Variants in SMURF2 observed in about 807,000 individuals in gnomAD.
SMURF2 encodes the protein SMAD specific E3 ubiquitin protein ligase 2.
Under a neutral mutation model 109.6 loss-of-function variants are expected in SMURF2, and 48 were observed. That is an observed-to-expected ratio of 0.44 (90% CI 0.35 to 0.56). The LOEUF is 0.56. SMURF2 is among the 20% of genes least tolerant of loss of function. The probability of loss-of-function intolerance (pLI) is 0.01; values close to 1 mark genes in which losing one functional copy is unlikely to be tolerated. For missense variants in SMURF2, 575 were observed against 909.0 expected (o/e 0.63, Z 4.72); for synonymous variants, 288 against 317.1 (o/e 0.91, Z 0.97).
chr17:64,553,649 A>C (rs1555683814), intron 15 of SMURF2, among the ~76,000 whole-genome samples: 1 of 152,222 alleles, frequency 6.6e-6, no homozygotes, highest in African/African-American at 2.4e-5. Context: ...TGTATAATAT[A>C]ATCATTCTTC....
chr17:64,599,099 T>C (rs1240168038), intron 2 of SMURF2, among the ~76,000 whole-genome samples: 2 of 152,218 alleles, frequency 1.3e-5, no homozygotes, highest in African/African-American at 4.8e-5. Context: ...TGATACTGAT[T>C]GTAACGCAAA....
intron 1 of SMURF2, among the ~76,000 whole-genome samples, chr17:64,657,199 G>A (rs1970716485): frequency 6.6e-6 from 1 of 152,192 alleles, no homozygotes; most frequent in African/African-American, 2.4e-5. Context: ...TAGAGTCATA[G>A]AGGACAGTTC....
At chr17:64,640,599 G>A (rs2144721139) in intron 1 of SMURF2, among the ~76,000 whole-genome samples, 1 of 152,186 alleles carries the variant, frequency 6.6e-6, no homozygotes, top group African/African-American at 2.4e-5. Flanking sequence ...AAGCTATACT[G>A]TGGAGAATGG....
chr17:64,554,897 T>TTTGCCATTTGG lies in SMURF2; in HGVS notation c.1696_1706dup (p.Lys569AsnfsTer22). 1.9e-6 allele frequency: 3 copies of TTTGCCATTTGG among 1,613,814 alleles called. No homozygotes were observed. The highest frequency in any genetic ancestry group is 2.5e-6 in the Non-Finnish European group (3 of 1,179,780). On this transcript the variant is annotated frameshift_variant, in exon 15 of 19. Transcript: ENST00000262435. LOFTEE classifies it high-confidence loss of function. ...TATTTTCTTCATTAACAGGGATACTTTTGCCATTTGGTTTAAGTTCATGCT... is the reference window on the plus strand; with the variant it reads ...TATTTTCTTCATTAACAGGGATACTTTTGCCATTTGGTTGCCATTTGGTTTAAGTTCATGCT...
At chr17:64,550,922 A>C (rs1292595847) in intron 16 of SMURF2, among the ~76,000 whole-genome samples, 3 of 152,230 alleles carry the variant, frequency 2.0e-5, no homozygotes, top group Non-Finnish European at 4.4e-5. Context: ...TGGTAGATTA[A>C]TGAGGTTTTA....
At chr17:64,569,590 G>A (rs1360912127) in intron 10 of SMURF2, among the ~76,000 whole-genome samples, 1 of 152,084 alleles carries the variant, frequency 6.6e-6, no homozygotes, top group African/African-American at 2.4e-5. Context: ...CCTATAAAAA[G>A]GTGCTCAACC....
At position 64,659,221 on chromosome 17, in the gene SMURF2, G is replaced by A. The variant is rs570116373; in HGVS notation, c.52+2608C>T. On this transcript the variant is annotated intron_variant, in intron 1 of 18. Transcript: ENST00000262435. Reference sequence around the variant, plus strand: ...AAATGTTTATACCTTTCAGCAAAGGGGCAATTCCACAATAAAGTTATTATC... The same window carrying A: ...AAATGTTTATACCTTTCAGCAAAGGAGCAATTCCACAATAAAGTTATTATC... Among the ~76,000 whole-genome samples the A allele has an allele frequency of 6.4e-4, 98 of 152,008 alleles. 1 individual carries two copies. The highest frequency in any genetic ancestry group is 1.2e-3 in the South Asian group (6 of 4,820).
chr17:64,620,069 G>A (rs1315569985), intron 1 of SMURF2, among the ~76,000 whole-genome samples: 1 of 152,108 alleles, frequency 6.6e-6, no homozygotes, highest in Non-Finnish European at 1.5e-5. Flanking sequence ...CCTCCGTAGT[G>A]CTGTGAACTG....
At chr17:64,639,136 T>C (rs1970460322) in intron 1 of SMURF2, among the ~76,000 whole-genome samples, 1 of 152,242 alleles carries the variant, frequency 6.6e-6, no homozygotes, top group South Asian at 2.1e-4. Flanking sequence ...TATATGTGTG[T>C]TCAGTTTGTG....
intron 2 of SMURF2, among the ~76,000 whole-genome samples, chr17:64,604,728 G>A (rs990790928): frequency 2.0e-5 from 3 of 151,974 alleles, no homozygotes; most frequent in African/African-American, 7.3e-5. Flanking sequence ...GGAGGATCAC[G>A]AGGTCAGGCA....
intron 10 of SMURF2, among the ~76,000 whole-genome samples, chr17:64,566,958 C>A (rs1362211115): frequency 6.6e-6 from 1 of 151,354 alleles, no homozygotes; most frequent in Non-Finnish European, 1.5e-5. Flanking sequence ...ACACCCTCTA[C>A]CTCCCAGGTT....
chr17:64,603,936 T>C (rs116401786), intron 2 of SMURF2, among the ~76,000 whole-genome samples: 5,647 of 152,288 alleles, frequency 0.037, 360 homozygotes, highest in African/African-American at 0.13. Context: ...GTACTTTGTA[T>C]TAAAATTTGC....
chr17:64,563,399 A>G (rs1246246936), intron 10 of SMURF2, among the ~76,000 whole-genome samples: 4 of 152,234 alleles, frequency 2.6e-5, no homozygotes, highest in African/African-American at 9.6e-5. Flanking sequence ...GCCAAATATT[A>G]TACCTAAAAC....
chr17:64,581,300 C>A lies in SMURF2; in HGVS notation c.570-309G>T, dbSNP rs189252508. The stretch of plus-strand genomic sequence containing the variant: ...AAAACACTGCTTGATCTAGCTATAG[C>A]CTCTCCCTCAGACCTGACTTCCCAC... On this transcript the variant is annotated intron_variant, in intron 7 of 18. Transcript: ENST00000262435. The surrounding 1 kb of genome is among the most constrained non-coding windows in gnomAD (Gnocchi z 4.3). Among the ~76,000 whole-genome samples, 2 of 152,238 alleles carry A rather than the reference C, an allele frequency of 1.3e-5. No homozygotes were observed. The highest frequency in any genetic ancestry group is 6.5e-5 in the Admixed American group (1 of 15,298).
chr17:64,566,997 A>T (rs1555685084), intron 10 of SMURF2, among the ~76,000 whole-genome samples: 1 of 151,228 alleles, frequency 6.6e-6, no homozygotes, highest in African/African-American at 2.4e-5. Flanking sequence ...CAGCCTCCCG[A>T]GTAGCTGGGA....
intron 1 of SMURF2, among the ~76,000 whole-genome samples, chr17:64,641,067 T>G (rs1412069199): frequency 6.6e-6 from 1 of 152,130 alleles, no homozygotes; most frequent in Non-Finnish European, 1.5e-5. Flanking sequence ...ATTAAAGAAT[T>G]AAATTCACAT....
intron 2 of SMURF2, 80 bp from the exon 3 acceptor site, chr17:64,598,570 A>C: frequency 1.7e-6 from 2 of 1,176,194 alleles, no homozygotes; most frequent in Non-Finnish European, 2.4e-6. Context: ...CATTTGCTAC[A>C]AAAGATTATT....
At chr17:64,549,287 A>AAG (rs1384681663) in intron 16 of SMURF2, among the ~76,000 whole-genome samples, 2 of 146,516 alleles carry the variant, frequency 1.4e-5, no homozygotes, top group African/African-American at 5.1e-5. Context: ...AAAAAAAAAA[A>AAG]GCCAAAATAA....
chr17:64,544,628 G>A lies in SMURF2; in HGVS notation c.*1220C>T, dbSNP rs532350380. ...GCAGATCTTCAACACCAAGGGAAGC[G>A]GGATTCCCTTACTTCCAAAATGAAC... is the stretch of plus-strand genomic sequence containing the variant. On this transcript the variant is annotated 3_prime_UTR_variant, in exon 19 of 19. Transcript: ENST00000262435. The A allele has an allele frequency of 1.5e-4, 23 of 152,062 alleles. No homozygotes were observed. Among genetic ancestry groups the A allele is most frequent in the East Asian group, 1.9e-4 (1 of 5,192 alleles). 9.4% of individuals were successfully genotyped at this position (152,062 alleles called of 1,614,324 possible).
Sources: allele counts gnomAD v4.1 joint callset (sites outside exome capture counted in the v4.1 genomes callset), GRCh38; gene constraint gnomAD v4.1.1; non-coding constraint Gnocchi (gnomAD v3.1); transcripts MANE v1.5; gene names NCBI Gene and HGNC (gene_info 2026-07-23, HGNC 2026-07-21).